Variants in STAC observed in about 807,000 individuals in gnomAD.
The protein encoded by STAC is SH3 and cysteine rich domain, also known as SH3 and cysteine-rich domain-containing protein.
In STAC, 43 loss-of-function variants were observed where a neutral mutation model predicts 48.8. The ratio of observed to expected loss-of-function variants is 0.88; its 90% CI spans 0.69 to 1.14. STAC has a LOEUF of 1.14. STAC is among the 50% of genes most tolerant of loss of function. The pLI is 0.00. For synonymous variants in STAC, 193 were observed against 179.5 expected (o/e 1.07, Z -0.60); for missense variants, 497 against 504.0 (o/e 0.99, Z 0.13).
chr3:36,546,385 C>T lies in STAC; in HGVS notation c.*96C>T, dbSNP rs1300077809. 1.0e-6 allele frequency: 1 copy of T among 998,998 alleles called. No individual in the cohort carries two copies. The highest frequency in any genetic ancestry group is 1.6e-6 in the Non-Finnish European group (1 of 637,352). 61.9% of individuals were successfully genotyped at this position (998,998 alleles called of 1,614,324 possible). ...CAACCCAAAGGAGCTGCCGCACTGACCCAGCCCCCCAGGAAACAGTGAGAC... is the reference window on the plus strand; with the variant it reads ...CAACCCAAAGGAGCTGCCGCACTGATCCAGCCCCCCAGGAAACAGTGAGAC... On this transcript the variant is annotated 3_prime_UTR_variant, in exon 11 of 11. Transcript: ENST00000273183.
At chr3:36,447,947 T>C (rs1696555810) in intron 2 of STAC, among the ~76,000 whole-genome samples, 2 of 152,160 alleles carry the variant, frequency 1.3e-5, no homozygotes, top group Admixed American at 1.3e-4. Flanking sequence ...CTTTGGGCCA[T>C]AGTGTGTTTC....
chr3:36,531,199 C>G (rs1370351190), intron 10 of STAC, among the ~76,000 whole-genome samples: 4 of 152,128 alleles, frequency 2.6e-5, no homozygotes, highest in African/African-American at 9.7e-5. Flanking sequence ...AATTGCTCAA[C>G]TTCATGAATA....
intron 2 of STAC, among the ~76,000 whole-genome samples, chr3:36,477,586 G>C (rs1456081): frequency 0.91 from 138,211 of 152,226 alleles, 62,979 homozygotes; most frequent in African/African-American, 0.98. Context: ...AGATGTCTTT[G>C]TGCTCCAATA....
chr3:36,415,284 A>C (rs902290598), intron 1 of STAC, among the ~76,000 whole-genome samples: 4 of 152,184 alleles, frequency 2.6e-5, no homozygotes, highest in Non-Finnish European at 4.4e-5. Flanking sequence ...CTACAGAGGC[A>C]GGCAGGCCTC....
intron 1 of STAC, among the ~76,000 whole-genome samples, chr3:36,394,229 T>A (rs1699809236): frequency 2.0e-5 from 3 of 152,084 alleles, no homozygotes; most frequent in Admixed American, 2.0e-4. Context: ...AAAAATCAGT[T>A]CCTTAGTAAC....
chr3:36,383,177 A>G (rs942705681), intron 1 of STAC, among the ~76,000 whole-genome samples: 1 of 152,208 alleles, frequency 6.6e-6, no homozygotes, highest in African/African-American at 2.4e-5. Flanking sequence ...ATCTGTTTAT[A>G]TATTTACATA....
chr3:36,470,254 G>A (rs36064918), intron 2 of STAC, among the ~76,000 whole-genome samples: 4,632 of 152,260 alleles, frequency 0.03, 98 homozygotes, highest in Middle Eastern at 0.075. Flanking sequence ...TGTCCCACGG[G>A]GTGCTCCCTT....
At chr3:36,501,620 T>G (rs1257575171) in intron 6 of STAC, among the ~76,000 whole-genome samples, 2 of 152,212 alleles carry the variant, frequency 1.3e-5, no homozygotes, top group African/African-American at 4.8e-5. Context: ...ACATGAATTT[T>G]CTTATAATAT....
intron 1 of STAC, among the ~76,000 whole-genome samples, chr3:36,430,600 T>C (rs1002161542): frequency 2.0e-5 from 3 of 152,230 alleles, no homozygotes; most frequent in African/African-American, 7.2e-5. Flanking sequence ...ATTGATGTTT[T>C]AGGAGCACAA....
chr3:36,492,539 G>C (rs890798075), intron 5 of STAC, among the ~76,000 whole-genome samples: 2 of 152,110 alleles, frequency 1.3e-5, no homozygotes, highest in Admixed American at 6.5e-5. Context: ...AACATTACAT[G>C]GTAAGTGATC....
At chr3:36,501,026 A>G (rs912785485) in intron 6 of STAC, among the ~76,000 whole-genome samples, 33 of 152,172 alleles carry the variant, frequency 2.2e-4, no homozygotes, top group African/African-American at 7.7e-4. Flanking sequence ...TGGAAGGTCG[A>G]GGCTGCAGTG....
At chr3:36,517,138 C>T (rs1402694614) in intron 8 of STAC, among the ~76,000 whole-genome samples, 1 of 152,076 alleles carries the variant, frequency 6.6e-6, no homozygotes, top group East Asian at 1.9e-4. Flanking sequence ...TGCATGGGGT[C>T]TCGAACATTG....
At chr3:36,538,601 C>T (rs1699252673) in intron 10 of STAC, among the ~76,000 whole-genome samples, 1 of 152,132 alleles carries the variant, frequency 6.6e-6, no homozygotes, top group Admixed American at 6.6e-5. Context: ...TCAGAAAGGT[C>T]GTGCCAACTT....
intron 1 of STAC, among the ~76,000 whole-genome samples, chr3:36,418,368 G>T (rs1394710236): frequency 2.0e-5 from 3 of 152,144 alleles, no homozygotes; most frequent in East Asian, 1.9e-4. Flanking sequence ...GGATGTGTGT[G>T]TGCATGCATA....
chr3:36,467,548 T>C (rs1470060571), intron 2 of STAC, among the ~76,000 whole-genome samples: 1 of 152,128 alleles, frequency 6.6e-6, no homozygotes, highest in East Asian at 1.9e-4. Flanking sequence ...TCAGAGGTTT[T>C]ATATTTTCCT....
chr3:36,511,164 T>A (rs1267538732), intron 8 of STAC, among the ~76,000 whole-genome samples: 1 of 152,072 alleles, frequency 6.6e-6, no homozygotes, highest in Non-Finnish European at 1.5e-5. Context: ...GTTGTTAAGC[T>A]AGAGTCAATT....
chr3:36,395,777 T>C (rs1267999594), intron 1 of STAC, among the ~76,000 whole-genome samples: 1 of 152,148 alleles, frequency 6.6e-6, no homozygotes, highest in East Asian at 1.9e-4. Flanking sequence ...CCATGTAGGT[T>C]ATCAGTCAAC....
At chr3:36,488,604 C>A (rs986742052) in intron 5 of STAC, among the ~76,000 whole-genome samples, 13 of 117,022 alleles carry the variant, frequency 1.1e-4, no homozygotes, top group African/African-American at 4.6e-4. Flanking sequence ...GCCCAAGCAC[C>A]AAACCAGTCC....
intron 3 of STAC, 60 bp downstream of exon 3, chr3:36,483,152 A>T (rs1697703034): frequency 1.5e-6 from 2 of 1,313,728 alleles, no homozygotes; most frequent in Non-Finnish European, 2.2e-6. Context: ...TGCCTGCTGC[A>T]GTGAGATCAC....
Sources: allele counts gnomAD v4.1 joint callset (sites outside exome capture counted in the v4.1 genomes callset), GRCh38; gene constraint gnomAD v4.1.1; transcripts MANE v1.5; gene names NCBI Gene and HGNC (gene_info 2026-07-23, HGNC 2026-07-21).